Variants in ARFGEF2 observed in about 807,000 individuals in gnomAD.
ARFGEF2 encodes ARF guanine nucleotide exchange factor 2, also known as brefeldin A-inhibited guanine nucleotide-exchange protein 2.
ARFGEF2 carries 74 observed loss-of-function variants against 219.9 expected under a neutral mutation model. The ratio of observed to expected loss-of-function variants is 0.34; its 90% CI spans 0.28 to 0.41. The LOEUF (loss-of-function observed/expected upper bound fraction) is 0.41, where lower values mean the gene tolerates loss of function less well. Ranked by LOEUF, ARFGEF2 falls within the 10% of genes least tolerant of loss-of-function variation. The probability of loss-of-function intolerance (pLI) is 1.00; values close to 1 mark genes in which losing one functional copy is unlikely to be tolerated. For synonymous variants in ARFGEF2, 733 were observed against 799.2 expected (o/e 0.92, Z 1.40); for missense variants, 1,743 against 2,218.3 (o/e 0.79, Z 4.30).
At position 48,963,811 on chromosome 20, in the gene ARFGEF2, T is replaced by C. The variant is rs2091169769; in HGVS notation, c.839-19T>C. ...TGAAAATGCCCACGTGTGTTTTGTA[T>C]ATTTGGATGTGTGTGTAGGGACTGA... On this transcript the variant is annotated intron_variant, in intron 6 of 38. Transcript: ENST00000371917. 1.2e-6 allele frequency: 2 copies of C among 1,612,516 alleles called. No homozygotes were observed. The highest frequency in any genetic ancestry group is 1.7e-6 in the Non-Finnish European group (2 of 1,178,724).
At chr20:48,937,811 A>G (rs1346022935) in intron 1 of ARFGEF2, among the ~76,000 whole-genome samples, 2 of 152,104 alleles carry the variant, frequency 1.3e-5, no homozygotes, top group East Asian at 3.8e-4. Flanking sequence ...TTCCCATTCC[A>G]AAACCAGGTT....
Position 48,973,277 on chromosome 20 carries a change from C to T in ARFGEF2, c.1658C>T (p.Pro553Leu). The change falls in exon 12 of 39, where the codon CCT becomes CTT. Residue 553 changes from proline to leucine, a missense_variant. Transcript: ENST00000371917. ...AGTGGACATGAGCTGGGAATGACACCTCTGCAGGTAAAAACACTGTGGACA... is the reference window on the plus strand; with the variant it reads ...AGTGGACATGAGCTGGGAATGACACTTCTGCAGGTAAAAACACTGTGGACA... ...GRSGHELGMT[P>L]LQELSLRKKG... The T allele has an allele frequency of 6.2e-7, 1 of 1,614,062 alleles. No homozygotes were observed. Among genetic ancestry groups the T allele is most frequent in the East Asian group, 2.2e-5 (1 of 44,874 alleles).
In ARFGEF2 at chr20:48,987,815, T is replaced by G. The variant is rs189845215; in HGVS notation, c.2277-489T>G. On this transcript the variant is annotated intron_variant, in intron 16 of 38. Coordinates refer to ENST00000371917, the MANE Select transcript of ARFGEF2 (RefSeq NM_006420.3). ...ATTTATTTATTTATTTTTGAGACAG[T>G]CTCGCTCTGTCACCCAGGCTGGAGT... Among the ~76,000 whole-genome samples the G allele has an allele frequency of 4.1e-4, 63 of 152,334 alleles. 1 individual carries two copies. In the East Asian group the frequency reaches 0.01, roughly 25 times the overall value.
At chr20:48,938,329 A>G (rs1600591219) in intron 1 of ARFGEF2, among the ~76,000 whole-genome samples, 1 of 152,330 alleles carries the variant, frequency 6.6e-6, no homozygotes, top group South Asian at 2.1e-4. Flanking sequence ...CCACTGAAGC[A>G]CTTTCTCCTC....
rs529555905 is a variant in ARFGEF2 at position 48,982,621 on chromosome 20, C to T, written c.1959-2108C>T. Among the ~76,000 whole-genome samples the T allele has an allele frequency of 7.2e-5, 11 of 152,312 alleles. No individual in the cohort carries two copies. In the South Asian group the frequency reaches 1.2e-3, roughly 17 times the overall value. On this transcript the variant is annotated intron_variant, in intron 14 of 38. Coordinates refer to ENST00000371917, the MANE Select transcript of ARFGEF2 (RefSeq NM_006420.3). ...CCAGAGGTAGGGTCTATAGAGGCAG[C>T]AGCCCTTGCAGAGCTGTGGTGGGCT...
At chr20:48,993,018 G>A (rs1170012472) in intron 21 of ARFGEF2, among the ~76,000 whole-genome samples, 1 of 152,100 alleles carries the variant, frequency 6.6e-6, no homozygotes, top group East Asian at 1.9e-4. Flanking sequence ...CCACTGTGCT[G>A]CAGCCTGGGC....
intron 1 of ARFGEF2, among the ~76,000 whole-genome samples, chr20:48,940,738 C>T (rs1291668091): frequency 1.3e-5 from 2 of 152,194 alleles, no homozygotes. Flanking sequence ...GCTCAGGAGA[C>T]ACTTGGCAAT....
chr20:48,931,486 T>A (rs917493783), intron 1 of ARFGEF2, among the ~76,000 whole-genome samples: 1 of 152,064 alleles, frequency 6.6e-6, no homozygotes, highest in African/African-American at 2.4e-5. Flanking sequence ...TGATATATAA[T>A]ATGTCAAGGG....
chr20:48,949,098 T>C (rs1385520125), intron 3 of ARFGEF2, among the ~76,000 whole-genome samples: 2 of 152,218 alleles, frequency 1.3e-5, no homozygotes, highest in Non-Finnish European at 2.9e-5. Context: ...CTCTCCTTTC[T>C]CCTGGCCTTG....
intron 26 of ARFGEF2, among the ~76,000 whole-genome samples, chr20:49,009,460 A>G (rs1000418477): frequency 1.3e-5 from 2 of 152,274 alleles, no homozygotes; most frequent in Admixed American, 1.3e-4. Flanking sequence ...AAAAAAAAAA[A>G]AAAAATTGAA....
At chr20:48,984,540 TGACCAGGTATA>T (rs1350197410) in intron 14 of ARFGEF2, among the ~76,000 whole-genome samples, 178 bp from the exon 15 acceptor site, 2 of 152,360 alleles carry the variant, frequency 1.3e-5, no homozygotes, top group African/African-American at 4.8e-5. Flanking sequence ...CAGCAGACTC[TGACCAGGTATA>T]GCTGGGTCAG....
At chr20:48,980,678 C>T (rs987899663) in intron 14 of ARFGEF2, among the ~76,000 whole-genome samples, 8 of 152,254 alleles carry the variant, frequency 5.3e-5, no homozygotes, top group African/African-American at 1.9e-4. Flanking sequence ...GTATTGGGTG[C>T]ATATATATTT....
At chr20:48,936,271 G>A (rs1600589297) in intron 1 of ARFGEF2, among the ~76,000 whole-genome samples, 1 of 142,726 alleles carries the variant, frequency 7.0e-6, no homozygotes, top group South Asian at 2.2e-4. Context: ...CACCCCTGCC[G>A]GACGGGGCGG....
At chr20:48,999,376 A>G (rs1229941271) in intron 25 of ARFGEF2, 4 of 287,570 alleles carry the variant, frequency 1.4e-5, no homozygotes, top group Non-Finnish European at 2.8e-5. Flanking sequence ...ACATACAGAC[A>G]TATGCACACA....
chr20:48,928,384 G>C (rs553382254), intron 1 of ARFGEF2, among the ~76,000 whole-genome samples: 2 of 146,950 alleles, frequency 1.4e-5, no homozygotes, highest in South Asian at 4.4e-4. Context: ...ATTTTTAGTA[G>C]AGACGGGGTT....
chr20:48,963,595 C>T (rs1302050506), intron 6 of ARFGEF2, among the ~76,000 whole-genome samples: 4 of 152,190 alleles, frequency 2.6e-5, no homozygotes, highest in Non-Finnish European at 5.9e-5. Context: ...TAGTATAAGC[C>T]AGTGGGGTTT....
chr20:48,928,337 T>C (rs1231752321), intron 1 of ARFGEF2, among the ~76,000 whole-genome samples: 7 of 130,758 alleles, frequency 5.4e-5, no homozygotes, highest in Admixed American at 7.7e-5. Flanking sequence ...TAGCTGGGAC[T>C]ACAGGCGCCC....
intron 20 of ARFGEF2, among the ~76,000 whole-genome samples, chr20:48,990,254 C>T (rs2091350218): frequency 6.6e-6 from 1 of 152,162 alleles, no homozygotes; most frequent in African/African-American, 2.4e-5. Context: ...ACTTCGTGTT[C>T]ATCTGCCTAA....
chr20:49,000,795 A>T (rs1039595052), intron 25 of ARFGEF2, among the ~76,000 whole-genome samples: 2 of 152,196 alleles, frequency 1.3e-5, no homozygotes, highest in African/African-American at 4.8e-5. Flanking sequence ...AACTCTTTAA[A>T]GTCTGCATTT....
Sources: allele counts gnomAD v4.1 joint callset (sites outside exome capture counted in the v4.1 genomes callset), GRCh38; gene constraint gnomAD v4.1.1; transcripts MANE v1.5; gene names NCBI Gene and HGNC (gene_info 2026-07-23, HGNC 2026-07-21).